Variants in CCBE1 observed in about 807,000 individuals in gnomAD.
CCBE1 encodes the protein collagen and calcium binding EGF domains 1.
In CCBE1, 37 loss-of-function variants were observed where a neutral mutation model predicts 50.0. The ratio of observed to expected loss-of-function variants is 0.74; its 90% CI spans 0.57 to 0.97. The LOEUF (loss-of-function observed/expected upper bound fraction) is 0.97, where lower values mean the gene tolerates loss of function less well. CCBE1 is among the 50% of genes least tolerant of loss of function. The pLI is 0.00. For missense variants in CCBE1, 538 were observed against 523.8 expected, an observed-to-expected ratio of 1.03 and a Z score of -0.26; for synonymous variants, 234 against 203.7, an observed-to-expected ratio of 1.15 and a Z score of -1.27.
chr18:59,519,141 A>G (rs34461574), intron 2 of CCBE1, among the ~76,000 whole-genome samples: 3,314 of 152,186 alleles, frequency 0.022, 146 homozygotes, highest in East Asian at 0.2. Flanking sequence ...GTACACCCAT[A>G]TTATAAGCCA....
chr18:59,444,074 C>T (rs896862289), intron 7 of CCBE1, among the ~76,000 whole-genome samples: 1 of 152,010 alleles, frequency 6.6e-6, no homozygotes, highest in Non-Finnish European at 1.5e-5. Context: ...AAATTTCCAT[C>T]TTTTTAAAGG....
At chr18:59,583,259 AAAAC>A (rs145942776) in intron 2 of CCBE1, among the ~76,000 whole-genome samples, 51,936 of 151,722 alleles carry the variant, frequency 0.34, 9,381 homozygotes, top group East Asian at 0.61. Flanking sequence ...CCCACAGAAA[AAAAC>A]AAACAAACAA....
chr18:59,468,761 A>G (rs148503849), intron 4 of CCBE1, among the ~76,000 whole-genome samples: 1 of 152,194 alleles, frequency 6.6e-6, no homozygotes, highest in East Asian at 1.9e-4. Flanking sequence ...AGGAATCATT[A>G]GAGGCATTGG....
intron 2 of CCBE1, among the ~76,000 whole-genome samples, chr18:59,510,766 T>G (rs1237650487): frequency 1.3e-5 from 2 of 152,232 alleles, no homozygotes; most frequent in Non-Finnish European, 2.9e-5. Flanking sequence ...TCACTAAAAT[T>G]CTTCCATATT....
At chr18:59,671,301 A>G (rs137932664) in intron 2 of CCBE1, among the ~76,000 whole-genome samples, 22 of 152,248 alleles carry the variant, frequency 1.4e-4, no homozygotes, top group Non-Finnish European at 2.6e-4. Flanking sequence ...CAGGGGTGTG[A>G]GACCAGCCTG....
At chr18:59,620,528 G>T (rs2053698296) in intron 2 of CCBE1, among the ~76,000 whole-genome samples, 2 of 152,122 alleles carry the variant, frequency 1.3e-5, no homozygotes, top group South Asian at 2.1e-4. Flanking sequence ...TGGTTTGGTT[G>T]TGTCCCCACC....
chr18:59,684,368 G>A (rs1440038286), intron 2 of CCBE1, among the ~76,000 whole-genome samples: 7 of 152,174 alleles, frequency 4.6e-5, no homozygotes, highest in Non-Finnish European at 1.0e-4. Context: ...AGAATCGCTT[G>A]AACCTGGGAG....
chr18:59,516,933 A>C (rs534287993), intron 2 of CCBE1, among the ~76,000 whole-genome samples: 2 of 152,188 alleles, frequency 1.3e-5, no homozygotes, highest in Non-Finnish European at 2.9e-5. Flanking sequence ...CTTTCTTATC[A>C]CTATCTCCAG....
intron 2 of CCBE1, among the ~76,000 whole-genome samples, chr18:59,591,888 A>G (rs559988716): frequency 2.4e-4 from 36 of 152,362 alleles, no homozygotes; most frequent in African/African-American, 8.7e-4. Flanking sequence ...AAACATTGGA[A>G]AGAGTAAATA....
chr18:59,640,262 T>C (rs975418337), intron 2 of CCBE1, among the ~76,000 whole-genome samples: 1 of 152,182 alleles, frequency 6.6e-6, no homozygotes, highest in Non-Finnish European at 1.5e-5. Context: ...CAAAACAGCA[T>C]GGTGCTGATA....
At chr18:59,456,014 T>A in intron 5 of CCBE1, among the ~76,000 whole-genome samples, 1 of 152,234 alleles carries the variant, frequency 6.6e-6, no homozygotes, top group Non-Finnish European at 1.5e-5. Context: ...TGTTCCTCTC[T>A]TCTGCAAAGC....
intron 7 of CCBE1, 67 bp downstream of exon 7, chr18:59,447,916 C>A (rs976803853): frequency 9.3e-6 from 15 of 1,610,100 alleles, no homozygotes; most frequent in Non-Finnish European, 1.3e-5. Context: ...CAGGCCCCAG[C>A]AAATGTGAGC....
rs546613404 is a variant in CCBE1, at chr18:59,501,230, C to T, written c.213-20992G>A. Reference sequence around the variant, plus strand: ...AAGGCTGCCGGCTGGGACGTCAAGTCGATGGTGATTTTGGGGACCCTGTCC... The same window carrying T: ...AAGGCTGCCGGCTGGGACGTCAAGTTGATGGTGATTTTGGGGACCCTGTCC... On this transcript the variant is annotated intron_variant, in intron 2 of 10. Coordinates refer to ENST00000439986, the MANE Select transcript of CCBE1 (RefSeq NM_133459.4). Among the ~76,000 whole-genome samples, 18 of 152,290 alleles carry T rather than the reference C, an allele frequency of 1.2e-4. No homozygotes were observed. In the South Asian group the frequency reaches 1.9e-3, roughly 16 times the overall value.
intron 6 of CCBE1, among the ~76,000 whole-genome samples, chr18:59,454,299 C>T (rs1288961948): frequency 6.6e-6 from 1 of 152,164 alleles, no homozygotes; most frequent in Non-Finnish European, 1.5e-5. Flanking sequence ...GGCTGGAGTG[C>T]AATGGAGTGG....
intron 2 of CCBE1, among the ~76,000 whole-genome samples, chr18:59,630,256 TG>T (rs2053834246): frequency 7.5e-6 from 1 of 133,340 alleles, no homozygotes; most frequent in Admixed American, 7.7e-5. Context: ...ATTTATTATT[TG>T]AAAGCCTTTT....
In CCBE1 at chr18:59,577,557, A is replaced by T. The variant is rs183972400; in HGVS notation, c.213-97319T>A. On this transcript the variant is annotated intron_variant, in intron 2 of 10. Coordinates refer to ENST00000439986, the MANE Select transcript of CCBE1 (RefSeq NM_133459.4). ...TGTCTGCCAGTAGAAAGAGGTGTTA[A>T]TAAGAATTTGTGGATTTTTAAGAAT... is the stretch of plus-strand genomic sequence containing the variant. Among the ~76,000 whole-genome samples the T allele has an allele frequency of 1.0e-3, 159 of 152,344 alleles. 1 individual carries two copies. The highest frequency in any genetic ancestry group is 3.6e-3 in the African/African-American group (149 of 41,588).
chr18:59,443,277 G>A (rs1910521327), intron 7 of CCBE1, among the ~76,000 whole-genome samples: 1 of 152,130 alleles, frequency 6.6e-6, no homozygotes, highest in African/African-American at 2.4e-5. Flanking sequence ...GCCCACACCG[G>A]GGACTCTAGC....
rs999721072 is a variant in CCBE1 at position 59,434,248 on chromosome 18, G to A, written c.*1660C>T. ...TGGAGTTAAATGATGTGGGCTAAAA[G>A]GTGGAGGCAAAAAAGCCAAAAAGAA... On this transcript the variant is annotated 3_prime_UTR_variant, in exon 11 of 11. Transcript: ENST00000439986. 2.0e-5 allele frequency: 3 copies of A among 152,216 alleles called. No individual in the cohort carries two copies. Among genetic ancestry groups the A allele is most frequent in the African/African-American group, 7.2e-5 (3 of 41,436 alleles). The allele number at this position is 152,216 out of a possible 1,614,324, so 9.4% of individuals were successfully genotyped here. A position where few individuals can be genotyped will look rare whatever the true frequency, so the allele number is the denominator to read the frequency against.
Position 59,434,243 on chromosome 18 carries a change from TAA to T in CCBE1, c.*1663_*1664del, listed in dbSNP as rs1286361337. ...AGTAGTGGAGTTAAATGATGTGGGC[TAA>T]AAGGTGGAGGCAAAAAAGCCAAAAA... is the stretch of plus-strand genomic sequence containing the variant. On this transcript the variant is annotated 3_prime_UTR_variant, in exon 11 of 11. Coordinates refer to ENST00000439986, the MANE Select transcript of CCBE1 (RefSeq NM_133459.4). 1 of 152,102 alleles carries T rather than the reference TAA, an allele frequency of 6.6e-6. No homozygotes were observed. Among genetic ancestry groups the T allele is most frequent in the African/African-American group, 2.4e-5 (1 of 41,390 alleles). 9.4% of individuals were successfully genotyped at this position (152,102 alleles called of 1,614,324 possible).
Sources: allele counts gnomAD v4.1 joint callset (sites outside exome capture counted in the v4.1 genomes callset), GRCh38; gene constraint gnomAD v4.1.1; transcripts MANE v1.5; gene names NCBI Gene and HGNC (gene_info 2026-07-23, HGNC 2026-07-21).